Variants in PDE4D observed in about 807,000 individuals in gnomAD.
PDE4D encodes phosphodiesterase 4D, also known as 3',5'-cyclic-AMP phosphodiesterase 4D.
PDE4D carries 24 observed loss-of-function variants against 87.4 expected under a neutral mutation model. That is an observed-to-expected ratio of 0.27 (90% confidence interval 0.20 to 0.39). The LOEUF is 0.39. Ranked by LOEUF, PDE4D falls within the 10% of genes least tolerant of loss-of-function variation. The pLI, the probability that PDE4D is intolerant of heterozygous loss-of-function variation, is 1.00. For synonymous variants in PDE4D, 384 were observed against 383.2 expected (o/e 1.00, Z -0.02); for missense variants, 714 against 1,041.0 (o/e 0.69, Z 4.32).
At chr5:59,888,209 A>T (rs949492538) in intron 1 of PDE4D, among the ~76,000 whole-genome samples, 6 of 152,246 alleles carry the variant, frequency 3.9e-5, no homozygotes, top group African/African-American at 1.4e-4. Context: ...AGATGATCCA[A>T]TTAGAATAAG....
chr5:59,444,906 A>C (rs1798136059), intron 1 of PDE4D, among the ~76,000 whole-genome samples: 1 of 152,190 alleles, frequency 6.6e-6, no homozygotes, highest in East Asian at 1.9e-4. Flanking sequence ...CTCCAGTTTG[A>C]CAATCCCCAT....
At chr5:59,169,386 C>T (rs953290210) in intron 5 of PDE4D, among the ~76,000 whole-genome samples, 3 of 151,666 alleles carry the variant, frequency 2.0e-5, no homozygotes, top group Non-Finnish European at 4.4e-5. Context: ...AAAAAGAATG[C>T]AATTACTAAA....
intron 7 of PDE4D, among the ~76,000 whole-genome samples, chr5:58,993,075 GA>G (rs1748280860): frequency 6.6e-6 from 1 of 152,058 alleles, no homozygotes; most frequent in African/African-American, 2.4e-5. Flanking sequence ...TTGAAGATAT[GA>G]ATAGATCTCT....
chr5:59,144,896 G>C (rs868129733), intron 5 of PDE4D, among the ~76,000 whole-genome samples: 13 of 132,644 alleles, frequency 9.8e-5, no homozygotes, highest in Non-Finnish European at 1.3e-4. Context: ...TTAATGGGGG[G>C]GGGGGGGGGA....
At chr5:59,363,889 G>T (rs1458259167) in intron 1 of PDE4D, among the ~76,000 whole-genome samples, 1 of 152,144 alleles carries the variant, frequency 6.6e-6, no homozygotes, top group Non-Finnish European at 1.5e-5. Flanking sequence ...AGGAGGCCTA[G>T]AGTATAGTTC....
chr5:59,075,256 C>T lies in PDE4D; in HGVS notation c.809-36285G>A, dbSNP rs73093325. Among the ~76,000 whole-genome samples, 1,138 of 152,218 alleles carry T rather than the reference C, an allele frequency of 7.5e-3. 11 individuals are homozygous for T. Among genetic ancestry groups the T allele is most frequent in the African/African-American group, 0.026 (1,087 of 41,536 alleles). On this transcript the variant is annotated intron_variant, in intron 5 of 14. Coordinates refer to ENST00000340635, the MANE Select transcript of PDE4D (RefSeq NM_001104631.2). ...AGAAATTGTGTGTAAATTTTCAGCT[C>T]ATTTTGGCTTAGATTACATGATGAA...
intron 1 of PDE4D, among the ~76,000 whole-genome samples, chr5:60,221,419 G>A (rs868854425): frequency 2.6e-5 from 4 of 151,874 alleles, no homozygotes; most frequent in African/African-American, 4.8e-5. Flanking sequence ...TTTCCCTTCT[G>A]TATTAATTTC....
intron 1 of PDE4D, among the ~76,000 whole-genome samples, chr5:59,852,687 T>A (rs1165072977): frequency 6.6e-6 from 1 of 152,112 alleles, no homozygotes; most frequent in Non-Finnish European, 1.5e-5. Flanking sequence ...ATTTCATTAT[T>A]GTTTTAAGCT....
At chr5:60,280,697 T>C (rs1290015193) in intron 1 of PDE4D, among the ~76,000 whole-genome samples, 1 of 152,178 alleles carries the variant, frequency 6.6e-6, no homozygotes, top group Non-Finnish European at 1.5e-5. Flanking sequence ...GGATGCATCA[T>C]GGGCCTTGAG....
At chr5:59,480,945 C>T (rs934984765) in intron 1 of PDE4D, among the ~76,000 whole-genome samples, 2 of 152,136 alleles carry the variant, frequency 1.3e-5, no homozygotes, top group African/African-American at 4.8e-5. Flanking sequence ...GTAACCAGGA[C>T]AGCAATGACC....
chr5:59,511,044 T>C (rs1386129925), intron 1 of PDE4D, among the ~76,000 whole-genome samples: 1 of 151,950 alleles, frequency 6.6e-6, no homozygotes, highest in African/African-American at 2.4e-5. Flanking sequence ...TCAAATAGCA[T>C]CTTTTTGGTT....
Position 60,425,473 on chromosome 5 carries a change from T to C in PDE4D, c.-90+62469A>G, listed in dbSNP as rs180685442. Among the ~76,000 whole-genome samples the C allele has an allele frequency of 2.6e-3, 395 of 152,316 alleles. 1 individual carries two copies. Among genetic ancestry groups the C allele is most frequent in the Non-Finnish European group, 3.8e-3 (257 of 68,022 alleles). On this transcript the variant is annotated intron_variant, in intron 1 of 16. Coordinates refer to the PDE4D transcript ENST00000502484. ...AATAAATGGTGCTGGGAAAACTGGC[T>C]AGCCATATGTAGAAAGCTGAAACTG...
intron 1 of PDE4D, chr5:59,768,503 G>A: frequency 6.3e-7 from 1 of 1,598,226 alleles, no homozygotes; most frequent in Non-Finnish European, 8.5e-7. Context: ...CTTGTCTGCT[G>A]AGCCATTTTC....
intron 1 of PDE4D, among the ~76,000 whole-genome samples, chr5:59,683,185 G>A (rs1749308422): frequency 1.3e-5 from 2 of 152,138 alleles, no homozygotes; most frequent in Non-Finnish European, 2.9e-5. Context: ...TGCTCTTAAT[G>A]TGTATCAATA....
chr5:59,520,518 G>A lies in PDE4D; in HGVS notation c.456-304550C>T, dbSNP rs553930331. On this transcript the variant is annotated intron_variant, in intron 1 of 14. Transcript: ENST00000340635. ...AGATCTACGTGGGAAGTGCAGAAAG[G>A]CATGGGCATTGTGGTGAGGCACCTC... Among the ~76,000 whole-genome samples, 7 of 152,264 alleles carry A rather than the reference G, an allele frequency of 4.6e-5. No homozygotes were observed. The South Asian group carries it at 1.2e-3, about 27-fold the overall frequency.
chr5:59,214,560 A>G (rs956256463), intron 2 of PDE4D, among the ~76,000 whole-genome samples: 2 of 152,140 alleles, frequency 1.3e-5, no homozygotes, highest in Non-Finnish European at 2.9e-5. Flanking sequence ...ATGGTCTAAA[A>G]TGCCAGACCT....
intron 1 of PDE4D, among the ~76,000 whole-genome samples, chr5:59,277,632 A>T (rs1765070397): frequency 6.6e-6 from 1 of 152,280 alleles, no homozygotes; most frequent in South Asian, 2.1e-4. Context: ...AATAGCTTCC[A>T]GTTGCCATTT....
chr5:59,634,927 G>C (rs556477502), intron 1 of PDE4D, among the ~76,000 whole-genome samples: 26 of 152,050 alleles, frequency 1.7e-4, no homozygotes, highest in African/African-American at 6.3e-4. Context: ...AAAACCCTTT[G>C]AAAAAATCAA....
chr5:60,147,022 T>G (rs752150250), intron 2 of PDE4D, among the ~76,000 whole-genome samples: 2 of 151,998 alleles, frequency 1.3e-5, no homozygotes, highest in East Asian at 1.9e-4. Context: ...TTGGTGGGAG[T>G]GTAAATTAAT....
Sources: allele counts gnomAD v4.1 joint callset (sites outside exome capture counted in the v4.1 genomes callset), GRCh38; gene constraint gnomAD v4.1.1; transcripts MANE v1.5; gene names NCBI Gene and HGNC (gene_info 2026-07-23, HGNC 2026-07-21).